NTM: variants seen among roughly 807,000 people sequenced by gnomAD.
NTM encodes the protein IgLON family member 2.
In NTM, 13 loss-of-function variants were observed where a neutral mutation model predicts 42.1. That is an observed-to-expected ratio of 0.31 (90% CI 0.20 to 0.49). NTM has a LOEUF of 0.49. Ranked by LOEUF, NTM falls within the 20% of genes least tolerant of loss-of-function variation. The pLI, the probability that NTM is intolerant of heterozygous loss-of-function variation, is 0.99. For missense variants in NTM, 373 were observed against 452.8 expected, an observed-to-expected ratio of 0.82 and a Z score of 1.60; for synonymous variants, 187 against 179.2, an observed-to-expected ratio of 1.04 and a Z score of -0.35.
rs377351696 is a variant in NTM, at chr11:132,173,107, A to G, written c.400+26593A>G. Among the ~76,000 whole-genome samples the G allele has an allele frequency of 1.2e-4, 19 of 152,374 alleles. No homozygotes were observed. The East Asian group carries it at 2.7e-3, about 22-fold the overall frequency. On this transcript the variant is annotated intron_variant, in intron 3 of 8. Transcript: ENST00000683400. Reference sequence around the variant, plus strand: ...AAGTAATGTTTGATGCTAGACATCTAGAAGAGTGGGAAATAACACCATGTC... The same window carrying G: ...AAGTAATGTTTGATGCTAGACATCTGGAAGAGTGGGAAATAACACCATGTC...
intron 1 of NTM, among the ~76,000 whole-genome samples, chr11:131,392,263 G>T (rs1387975435): frequency 6.6e-6 from 1 of 152,148 alleles, no homozygotes; most frequent in Non-Finnish European, 1.5e-5. Context: ...GCCCCTGAAG[G>T]GATGGGAGTC....
At chr11:131,584,252 T>C (rs1174351731) in intron 1 of NTM, among the ~76,000 whole-genome samples, 13 of 152,218 alleles carry the variant, frequency 8.5e-5, no homozygotes. Flanking sequence ...TTCCCAATAA[T>C]TGCAGTGTGA....
At chr11:132,078,762 G>A (rs2058672006) in intron 2 of NTM, among the ~76,000 whole-genome samples, 1 of 152,124 alleles carries the variant, frequency 6.6e-6, no homozygotes, top group African/African-American at 2.4e-5. Flanking sequence ...TATGTTTCTG[G>A]TTCTTTTACA....
chr11:131,762,391 G>A (rs937641626), intron 1 of NTM, among the ~76,000 whole-genome samples: 1 of 152,238 alleles, frequency 6.6e-6, no homozygotes, highest in East Asian at 1.9e-4. Context: ...ATACCCAGGG[G>A]TGGAGACAAA....
At chr11:131,372,528 C>A (rs1371135707) in intron 1 of NTM, among the ~76,000 whole-genome samples, 2 of 151,864 alleles carry the variant, frequency 1.3e-5, no homozygotes, top group African/African-American at 2.4e-5. Context: ...AGTTCAGGAT[C>A]GGGCAGTTTC....
At chr11:131,579,422 C>T (rs1187877140) in intron 1 of NTM, among the ~76,000 whole-genome samples, 8 of 152,092 alleles carry the variant, frequency 5.3e-5, no homozygotes, top group Admixed American at 1.3e-4. Context: ...TACTGTAAAC[C>T]AGTCAGGCAG....
chr11:131,943,347 T>G (rs1321517277), intron 2 of NTM, among the ~76,000 whole-genome samples: 1 of 152,196 alleles, frequency 6.6e-6, no homozygotes, highest in Non-Finnish European at 1.5e-5. Flanking sequence ...CAACAAAGAA[T>G]GGGTGGCTAG....
At chr11:131,649,242 CAG>C (rs1355566995) in intron 1 of NTM, among the ~76,000 whole-genome samples, 2 of 152,178 alleles carry the variant, frequency 1.3e-5, no homozygotes, top group African/African-American at 2.4e-5. Flanking sequence ...GAATGGTAAA[CAG>C]GGGATTTACT....
intron 1 of NTM, among the ~76,000 whole-genome samples, chr11:131,442,646 C>T (rs943454133): frequency 1.3e-5 from 2 of 152,094 alleles, no homozygotes; most frequent in African/African-American, 4.8e-5. Context: ...TTGCTTAGCT[C>T]CCACTTATAA....
At chr11:131,407,722 A>G (rs1945951914) in intron 1 of NTM, among the ~76,000 whole-genome samples, 1 of 152,206 alleles carries the variant, frequency 6.6e-6, no homozygotes, top group South Asian at 2.1e-4. Flanking sequence ...AAGAGTTCCT[A>G]GGACATTCTT....
intron 2 of NTM, among the ~76,000 whole-genome samples, chr11:131,941,160 A>G (rs1239977280): frequency 6.6e-6 from 1 of 152,256 alleles, no homozygotes; most frequent in Non-Finnish European, 1.5e-5. Context: ...GCAGTAACTT[A>G]TAAGTCTGAT....
rs1016632170 is a variant in NTM at position 131,641,771 on chromosome 11, G to C, written c.83-269793G>C. On this transcript the variant is annotated intron_variant, in intron 1 of 8. Transcript: ENST00000683400. ...TTGATGGAGTCTCCCTCTGTTCCCA[G>C]GCTGGAGTGCAGTAGCATGATCTCG... 1.9e-4 allele frequency among the ~76,000 whole-genome samples: 29 copies of C among 149,082 alleles called. No individual in the cohort carries two copies. In the Middle Eastern group the frequency reaches 0.01, roughly 54 times the overall value.
intron 1 of NTM, among the ~76,000 whole-genome samples, chr11:131,555,300 T>C (rs2136947386): frequency 6.6e-6 from 1 of 152,358 alleles, no homozygotes; most frequent in South Asian, 2.1e-4. Context: ...TTATTTGGTT[T>C]GGTTCCTTTT....
intron 2 of NTM, among the ~76,000 whole-genome samples, chr11:131,992,911 A>G (rs140761022): frequency 6.6e-6 from 1 of 152,268 alleles, no homozygotes; most frequent in East Asian, 1.9e-4. Flanking sequence ...TACCCATTAT[A>G]TAAATGGTCC....
At chr11:132,059,637 C>A (rs531605462) in intron 2 of NTM, among the ~76,000 whole-genome samples, 23 of 152,076 alleles carry the variant, frequency 1.5e-4, no homozygotes, top group Admixed American at 5.2e-4. Context: ...ATGTCTACCC[C>A]AAACCAAACA....
chr11:131,627,724 T>C (rs546524089), intron 1 of NTM, among the ~76,000 whole-genome samples: 7 of 152,064 alleles, frequency 4.6e-5, no homozygotes, highest in Admixed American at 1.3e-4. Flanking sequence ...CCACCTACCC[T>C]GGATGCTGAG....
intron 1 of NTM, among the ~76,000 whole-genome samples, chr11:131,520,321 A>G (rs1321381302): frequency 6.6e-6 from 1 of 152,200 alleles, no homozygotes; most frequent in African/African-American, 2.4e-5. Flanking sequence ...ATCAATAAAG[A>G]TATTATCAAT....
chr11:131,422,500 G>A (rs565213936), intron 1 of NTM, among the ~76,000 whole-genome samples: 68 of 152,218 alleles, frequency 4.5e-4, no homozygotes, highest in Non-Finnish European at 8.2e-4. Context: ...AATCAGAAGC[G>A]GCAAAGTCCT....
intron 2 of NTM, among the ~76,000 whole-genome samples, chr11:132,100,954 G>A (rs193278303): frequency 1.3e-5 from 2 of 152,300 alleles, no homozygotes; most frequent in East Asian, 1.9e-4. Flanking sequence ...GTTCAAAGCA[G>A]GTGAAACAAT....
Sources: gnomAD v4.1 joint callset for allele counts (sites outside exome capture counted in the v4.1 genomes callset) on GRCh38, gnomAD v4.1.1 for gene constraint, MANE v1.5 for transcripts, NCBI Gene and HGNC (gene_info 2026-07-23, HGNC 2026-07-21) for gene names.